The following DOCK6 variants were observed in gnomAD, a reference collection of about 807,000 sequenced individuals.
The protein encoded by DOCK6 is dedicator of cytokinesis protein 6.
DOCK6 carries 167 observed loss-of-function variants against 230.3 expected under a neutral mutation model. The observed-to-expected ratio is 0.73, with a 90% CI of 0.64 to 0.82. The LOEUF is 0.82. DOCK6 is among the 40% of genes least tolerant of loss of function. The pLI is 0.00. For missense variants in DOCK6, 2,598 were observed against 2,825.8 expected (o/e 0.92, Z 1.83); for synonymous variants, 1,148 against 1,185.0 (o/e 0.97, Z 0.64).
Position 11,202,872 on chromosome 19 carries a change from G to A in DOCK6, c.5236-163C>T, listed in dbSNP as rs1476532294. 6.6e-6 allele frequency among the ~76,000 whole-genome samples: 1 copy of A among 152,064 alleles called. No homozygotes were observed. Among genetic ancestry groups the A allele is most frequent in the Non-Finnish European group, 1.5e-5 (1 of 68,006 alleles). On this transcript the variant is annotated intron_variant, in intron 41 of 47. Coordinates refer to ENST00000294618, the MANE Select transcript of DOCK6 (RefSeq NM_020812.4). The surrounding 1 kb of genome is among the most constrained non-coding windows in gnomAD (Gnocchi z 5.3). Reference sequence around the variant, plus strand: ...CCCTGAGAACATTGGGGCATGGATTGCAATAGGAAGTTAGGACTGGGGCTG... The same window carrying A: ...CCCTGAGAACATTGGGGCATGGATTACAATAGGAAGTTAGGACTGGGGCTG...
rs1232184969 is a variant in DOCK6 at position 11,200,950 on chromosome 19, GTAGCATCT to G, written c.5783_5790del (p.Lys1928ThrfsTer52). On this transcript the variant is annotated frameshift_variant, in exon 45 of 48. Transcript: ENST00000294618. LOFTEE classifies it high-confidence loss of function. The surrounding 1 kb of genome is among the most constrained non-coding windows in gnomAD (Gnocchi z 4.3). ...CCTACAGAGCCCTGAAGCACCATCT[GTAGCATCT>G]TAGCATCTGGTGGGTCCTGCTCGGT... 5 of 1,613,978 alleles carry G rather than the reference GTAGCATCT, an allele frequency of 3.1e-6. No individual in the cohort carries two copies. Among genetic ancestry groups the G allele is most frequent in the Non-Finnish European group, 4.2e-6 (5 of 1,179,882 alleles).
At chr19:11,232,043 C>T (rs1430730371) in intron 22 of DOCK6, 1 of 484,822 alleles carries the variant, frequency 2.1e-6, no homozygotes, top group Non-Finnish European at 3.3e-6. Context: ...ACACAGACTT[C>T]ACAGCCCCAA....
In DOCK6 at chr19:11,204,065, A is replaced by C; in HGVS notation, c.5235+16T>G. ...GGGTCCCAGAGGCAGGTGGCTGTCC[A>C]CCAAGGCTGACTCACCTCCCAGCCG... On this transcript the variant is annotated intron_variant, in intron 41 of 47. Coordinates refer to ENST00000294618, the MANE Select transcript of DOCK6 (RefSeq NM_020812.4). The C allele has an allele frequency of 6.5e-7, 1 of 1,548,950 alleles. No individual in the cohort carries two copies. Among genetic ancestry groups the C allele is most frequent in the South Asian group, 1.2e-5 (1 of 83,944 alleles).
intron 28 of DOCK6, among the ~76,000 whole-genome samples, chr19:11,219,561 G>A (rs568851289): frequency 7.9e-5 from 12 of 151,810 alleles, no homozygotes; most frequent in South Asian, 2.1e-4. Flanking sequence ...ATGTCGAGGC[G>A]GGAGGATCAC....
In DOCK6 at chr19:11,252,902, C is replaced by T; in HGVS notation, c.189G>A (p.Arg63=). 1 of 1,613,256 alleles carries T rather than the reference C, an allele frequency of 6.2e-7. No homozygotes were observed. Among genetic ancestry groups the T allele is most frequent in the Non-Finnish European group, 8.5e-7 (1 of 1,179,620 alleles). The part of the protein sequence containing the change: ...PLDFEDVLLS[R]PPDAEPGPLR... The stretch of plus-strand genomic sequence containing the variant: ...GGGGCCCGGGCTCAGCATCTGGTGG[C>T]CGGCTCAGAAGTACATCCTCAAAGT... Residue 63 remains arginine (R), a synonymous_variant, in exon 3 of 48, where the codon CGG becomes CGA. Coordinates refer to ENST00000294618, the MANE Select transcript of DOCK6 (RefSeq NM_020812.4).
In DOCK6 at chr19:11,236,499, C is replaced by G. The variant is rs780945102; in HGVS notation, c.2239G>C (p.Val747Leu). ...TGCTCCACGTTGCCCTCGCTCAGCA[C>G]AGTGTCCTTGAGCCGGAATGGGAAG... ...GAFPFRLKDT[V>L]LSEGNVEQEL... The change falls in exon 20 of 48, where the codon GTG (valine) becomes CTG (leucine). Residue 747 changes from valine (V) to leucine (L), a missense_variant. Val to Leu is a conservative substitution (Grantham distance 32). Transcript: ENST00000294618. This position sits in a 1 kb window ranked among gnomAD's most constrained non-coding sequence, Gnocchi z 5.2. The G allele has an allele frequency of 5.6e-6, 9 of 1,604,012 alleles. No individual in the cohort carries two copies. The Admixed American group carries it at 1.4e-4, about 24-fold the overall frequency.
intron 22 of DOCK6, among the ~76,000 whole-genome samples, chr19:11,231,380 A>G (rs2079764290): frequency 7.6e-6 from 1 of 131,644 alleles, no homozygotes; most frequent in Non-Finnish European, 1.6e-5. Flanking sequence ...AAGACCACCC[A>G]GAGGGAAGCT....
chr19:11,217,451 C>A, intron 28 of DOCK6, 60 bp from the exon 29 acceptor site: 1 of 1,564,432 alleles, frequency 6.4e-7, no homozygotes. Context: ...GTCCCTGTCT[C>A]AAATTTCAGA....
rs758354580 is a variant in DOCK6, at chr19:11,243,850, A to G, written c.1056T>C (p.Ser352=). The G allele has an allele frequency of 6.2e-7, 1 of 1,612,862 alleles. No homozygotes were observed. The highest frequency in any genetic ancestry group is 1.7e-5 in the Admixed American group (1 of 59,802). Residue 352 remains serine (S), a synonymous_variant, in exon 10 of 48, where the codon AGT becomes AGC. Transcript: ENST00000294618. The surrounding 1 kb of genome is among the most constrained non-coding windows in gnomAD (Gnocchi z 6.3). The part of the protein sequence containing the change: ...LEKVLQQGDI[S]ECCEPYMVLK... The stretch of plus-strand genomic sequence containing the variant: ...ACACCATGTAAGGCTCACAGCACTC[A>G]CTGATGTCCCCTTGCTGAAGCACCT...
At chr19:11,231,284 A>T (rs941774569) in intron 22 of DOCK6, among the ~76,000 whole-genome samples, 2 of 151,460 alleles carry the variant, frequency 1.3e-5, no homozygotes, top group African/African-American at 4.9e-5. Context: ...CTTCCTGAAC[A>T]CCCACACCCA....
intron 24 of DOCK6, among the ~76,000 whole-genome samples, chr19:11,225,479 A>G (rs1428221056): frequency 1.3e-5 from 2 of 152,110 alleles, no homozygotes; most frequent in African/African-American, 4.8e-5. Flanking sequence ...CTTAGACACC[A>G]GGCCATCTCC....
chr19:11,224,723 T>C (rs2079637326), intron 24 of DOCK6, among the ~76,000 whole-genome samples: 2 of 152,050 alleles, frequency 1.3e-5, no homozygotes, highest in African/African-American at 4.8e-5. Context: ...CCTCATACTC[T>C]CTTGAGCCAC....
In DOCK6 at chr19:11,227,390, T is replaced by C. The variant is rs749795327; in HGVS notation, c.2902A>G (p.Ile968Val). 2.5e-5 allele frequency: 40 copies of C among 1,613,696 alleles called. No individual in the cohort carries two copies. The highest frequency in any genetic ancestry group is 3.1e-5 in the Non-Finnish European group (36 of 1,179,896). The change falls in exon 24 of 48, where the codon ATC (isoleucine) becomes GTC (valine). Residue 968 changes from isoleucine to valine, a missense_variant. Ile to Val is a conservative substitution (Grantham distance 29). Transcript: ENST00000294618. ...LRFPGRFLDD[I>V]TALVGSVGLE... ...CCCACAGAGCCCACCAAGGCAGTGA[T>C]GTCGTCCAGGAAGCGTCCGGGGAAG...
chr19:11,233,776 G>A (rs903034968), intron 21 of DOCK6, among the ~76,000 whole-genome samples: 1 of 152,126 alleles, frequency 6.6e-6, no homozygotes, highest in African/African-American at 2.4e-5. Context: ...GGAGTTTAAG[G>A]CAGCAGTGAG....
chr19:11,201,973 C>T lies in DOCK6; in HGVS notation c.5604G>A (p.Glu1868=). 4 of 1,613,804 alleles carry T rather than the reference C, an allele frequency of 2.5e-6. No homozygotes were observed. The highest frequency in any genetic ancestry group is 3.4e-6 in the Non-Finnish European group (4 of 1,179,814). ...TGAGCAGCGTCTTACGCTTGTGTTG[C>T]TCGGGCAGCTCCCCGTGTGCGCGCC... The part of the protein sequence containing the change: ...PDGRAHGELP[E]QHKRKTLLST... Residue 1868 remains glutamate, a synonymous_variant, in exon 44 of 48, where the codon GAG becomes GAA. Coordinates refer to ENST00000294618, the MANE Select transcript of DOCK6 (RefSeq NM_020812.4). The surrounding 1 kb of genome is among the most constrained non-coding windows in gnomAD (Gnocchi z 4.3).
Position 11,215,379 on chromosome 19 carries a change from A to T in DOCK6, c.4106+8T>A. The T allele has an allele frequency of 6.2e-7, 1 of 1,613,014 alleles. No homozygotes were observed. The highest frequency in any genetic ancestry group is 8.5e-7 in the Non-Finnish European group (1 of 1,179,438). On this transcript the variant is annotated splice_region_variant and intron_variant, in intron 32 of 47. Transcript: ENST00000294618. ...GAACTCAGCAGACACCCTCCTGCCC[A>T]CACCTACTTGTCCACGCGGTCTGAG... is the stretch of plus-strand genomic sequence containing the variant.
At position 11,223,010 on chromosome 19, in the gene DOCK6, G is replaced by C. The variant is rs200261463; in HGVS notation, c.3052C>G (p.Arg1018Gly). 1 of 1,613,764 alleles carries C rather than the reference G, an allele frequency of 6.2e-7. No individual in the cohort carries two copies. The highest frequency in any genetic ancestry group is 8.5e-7 in the Non-Finnish European group (1 of 1,179,856). The change falls in exon 25 of 48, where the codon CGG becomes GGG. Residue 1018 changes from arginine to glycine, a missense_variant. Coordinates refer to ENST00000294618, the MANE Select transcript of DOCK6 (RefSeq NM_020812.4). ...VDRGFVFSLV[R>G]AHYKQVATRL... ...ACTCCTACCTGCTTGTAGTGGGCCC[G>C]GACCAGGCTGAAGACAAAGCCCCGG...
chr19:11,223,091 C>T lies in DOCK6; in HGVS notation c.2971G>A (p.Glu991Lys), dbSNP rs372677833. Residue 991 changes from glutamate to lysine, a missense_variant, in exon 25 of 48, where the codon GAG (glutamate) becomes AAG (lysine). Transcript: ENST00000294618. ...TRVHKDVELAEHLNASLAFFL... is the reference protein window; with the variant it reads ...TRVHKDVELAKHLNASLAFFL... The stretch of plus-strand genomic sequence containing the variant: ...AAAGCCAGGCTGGCGTTGAGGTGCT[C>T]GGCCAGCTCCACATCCTGGGGACAC... 2.3e-5 allele frequency: 37 copies of T among 1,613,218 alleles called. No individual in the cohort carries two copies. The South Asian group carries it at 2.3e-4, about 10-fold the overall frequency.
At chr19:11,257,869 G>A (rs1425818944) in intron 1 of DOCK6, among the ~76,000 whole-genome samples, 1 of 152,078 alleles carries the variant, frequency 6.6e-6, no homozygotes, top group East Asian at 1.9e-4. Context: ...GCTGAGGTGG[G>A]AGGATCACAT....
Sources: gnomAD v4.1 joint callset for allele counts (sites outside exome capture counted in the v4.1 genomes callset) on GRCh38, gnomAD v4.1.1 for gene constraint, Gnocchi (gnomAD v3.1) non-coding constraint, MANE v1.5 for transcripts, NCBI Gene and HGNC (gene_info 2026-07-23, HGNC 2026-07-21) for gene names.